Variants in FSTL1 observed in about 807,000 individuals in gnomAD.
The protein encoded by FSTL1 is follistatin like 1.
In FSTL1, 24 loss-of-function variants were observed where a neutral mutation model predicts 45.9. That is an observed-to-expected ratio of 0.52 (90% CI 0.38 to 0.74). The LOEUF (loss-of-function observed/expected upper bound fraction) is 0.74, where lower values mean the gene tolerates loss of function less well. FSTL1 is among the 30% of genes least tolerant of loss of function. FSTL1 has a pLI of 0.00. For synonymous variants in FSTL1, 120 were observed against 137.6 expected, an observed-to-expected ratio of 0.87 and a Z score of 0.89; for missense variants, 340 against 381.8, an observed-to-expected ratio of 0.89 and a Z score of 0.91.
chr3:120,445,032 AG>A (rs1266735948), intron 2 of FSTL1, among the ~76,000 whole-genome samples: 4 of 149,738 alleles, frequency 2.7e-5, no homozygotes, highest in Non-Finnish European at 5.9e-5. Flanking sequence ...TCCTTTCAAA[AG>A]TAATAATGAC....
At chr3:120,403,916 G>A (rs542339151) in intron 7 of FSTL1, among the ~76,000 whole-genome samples, 487 of 46,836 alleles carry the variant, frequency 0.01, 2 homozygotes, top group Admixed American at 0.027. Context: ...GCGAGACTCC[G>A]TCTCAAAAAA....
At chr3:120,443,590 A>G (rs992370982) in intron 2 of FSTL1, among the ~76,000 whole-genome samples, 1 of 149,842 alleles carries the variant, frequency 6.7e-6, no homozygotes, top group Non-Finnish European at 1.5e-5. Context: ...CCTTACATCA[A>G]TTCAAGCCAA....
At chr3:120,438,154 A>C (rs1937590464) in intron 2 of FSTL1, 2 of 152,264 alleles carry the variant, frequency 1.3e-5, no homozygotes, top group African/African-American at 2.4e-5. Context: ...CATTATTTTT[A>C]AAAGAAAATG....
At chr3:120,409,335 C>A (rs1937006000) in intron 6 of FSTL1, among the ~76,000 whole-genome samples, 197 bp downstream of exon 6, 1 of 152,232 alleles carries the variant, frequency 6.6e-6, no homozygotes, top group Non-Finnish European at 1.5e-5. Context: ...ATCCCAAAGA[C>A]TCCACTGCTT....
chr3:120,430,299 C>A (rs1485225425), intron 2 of FSTL1, among the ~76,000 whole-genome samples: 2 of 152,278 alleles, frequency 1.3e-5, no homozygotes, highest in South Asian at 4.2e-4. Context: ...CTGGTGGTGA[C>A]CCTCTTCTCA....
intron 6 of FSTL1, among the ~76,000 whole-genome samples, chr3:120,408,573 A>G (rs1278932019): frequency 6.6e-6 from 1 of 152,172 alleles, no homozygotes. Context: ...GTTGCTCCTG[A>G]GTCCTGGCTG....
intron 3 of FSTL1, 57 bp from the exon 4 acceptor site, chr3:120,412,040 CA>C (rs1937065329): frequency 1.4e-6 from 1 of 703,054 alleles, no homozygotes; most frequent in African/African-American, 1.6e-5. Context: ...CACACAGACA[CA>C]CACACACACA....
chr3:120,403,506 A>G (rs546184412), intron 7 of FSTL1, 152 bp from the exon 8 acceptor site: 2 of 587,066 alleles, frequency 3.4e-6, no homozygotes, highest in East Asian at 2.8e-5. Flanking sequence ...CACTGACCCA[A>G]CACAACTATT....
chr3:120,393,229 T>G lies in FSTL1; in HGVS notation c.*3723A>C, dbSNP rs1399753574. ...ATATTTGATTAGCATTTGGGTAATATCCCAAATCCAATCAAAGTGATCCAG... is the reference window on the plus strand; with the variant it reads ...ATATTTGATTAGCATTTGGGTAATAGCCCAAATCCAATCAAAGTGATCCAG... On this transcript the variant is annotated 3_prime_UTR_variant, in exon 11 of 11. Transcript: ENST00000295633. The G allele has an allele frequency of 2.0e-5, 3 of 152,168 alleles. No homozygotes were observed. Among genetic ancestry groups the G allele is most frequent in the African/African-American group, 7.2e-5 (3 of 41,438 alleles). 9.4% of individuals were successfully genotyped at this position (152,168 alleles called of 1,614,324 possible).
At chr3:120,446,137 A>C (rs1287341353) in intron 2 of FSTL1, among the ~76,000 whole-genome samples, 2 of 152,236 alleles carry the variant, frequency 1.3e-5, no homozygotes, top group African/African-American at 4.8e-5. Flanking sequence ...AAGAGGACTA[A>C]GACAAAGAAT....
At chr3:120,447,665 TA>T (rs1420917027) in intron 2 of FSTL1, among the ~76,000 whole-genome samples, 28 of 152,216 alleles carry the variant, frequency 1.8e-4, no homozygotes, top group African/African-American at 6.5e-4. Flanking sequence ...TCTATTTTTT[TA>T]AATACAAGGT....
chr3:120,411,017 A>G, intron 4 of FSTL1, 33 bp from the exon 5 acceptor site: 1 of 1,568,032 alleles, frequency 6.4e-7, no homozygotes, highest in Non-Finnish European at 8.7e-7. Flanking sequence ...GTGTAATGCG[A>G]AGTGAAGGAA....
chr3:120,412,836 G>T (rs201436894), intron 3 of FSTL1, among the ~76,000 whole-genome samples: 2 of 72,788 alleles, frequency 2.7e-5, no homozygotes, highest in Non-Finnish European at 3.4e-5. Flanking sequence ...GCGCGCGCGC[G>T]CGCACACACA....
chr3:120,443,594 A>C (rs1937672023), intron 2 of FSTL1, among the ~76,000 whole-genome samples: 1 of 149,892 alleles, frequency 6.7e-6, no homozygotes, highest in Admixed American at 6.6e-5. Flanking sequence ...ACATCAATTC[A>C]AGCCAATATC....
At chr3:120,401,998 C>T (rs1293552248) in intron 9 of FSTL1, among the ~76,000 whole-genome samples, 2 of 152,182 alleles carry the variant, frequency 1.3e-5, no homozygotes, top group Admixed American at 1.3e-4. Flanking sequence ...TCTGAATATC[C>T]CTGGTTCTTT....
chr3:120,448,703 T>C (rs1937813158), intron 2 of FSTL1, among the ~76,000 whole-genome samples: 1 of 152,192 alleles, frequency 6.6e-6, no homozygotes, highest in South Asian at 2.1e-4. Flanking sequence ...GTAGTTTGCC[T>C]GGGAATTATG....
At position 120,437,796 on chromosome 3, in the gene FSTL1, C is replaced by T. The variant is rs1329148581; in HGVS notation, c.63+12888G>A. 2.6e-5 allele frequency among the ~76,000 whole-genome samples: 4 copies of T among 152,166 alleles called. No homozygotes were observed. The South Asian group carries it at 8.3e-4, about 32-fold the overall frequency. On this transcript the variant is annotated intron_variant, in intron 2 of 10. Transcript: ENST00000295633. ...CACATTGGGATTTTCTAGTGAGATT[C>T]GGGAACTGGAGTACAGGCAAGGTAC...
At chr3:120,431,288 A>G (rs1293975194) in intron 2 of FSTL1, among the ~76,000 whole-genome samples, 2 of 152,166 alleles carry the variant, frequency 1.3e-5, no homozygotes, top group East Asian at 3.8e-4. Flanking sequence ...GGTACCTTTT[A>G]AAAACTCAAA....
chr3:120,427,864 A>C (rs1035962391), intron 2 of FSTL1, among the ~76,000 whole-genome samples: 19 of 152,206 alleles, frequency 1.2e-4, no homozygotes, highest in South Asian at 4.1e-4. Context: ...AGAGCAAAGC[A>C]AAATTGGGTG....
Sources: gnomAD v4.1 joint callset for allele counts (sites outside exome capture counted in the v4.1 genomes callset) on GRCh38, gnomAD v4.1.1 for gene constraint, MANE v1.5 for transcripts, NCBI Gene and HGNC (gene_info 2026-07-23, HGNC 2026-07-21) for gene names.